The following SLF2 variants were observed in gnomAD, a reference collection of about 807,000 sequenced individuals.
SLF2 encodes SMC5/6 complex localization factor 2.
A neutral mutation model predicts 124.3 loss-of-function variants in SLF2; 68 were observed. That is an observed-to-expected ratio of 0.55 (90% CI 0.45 to 0.67). SLF2 has a LOEUF of 0.67. SLF2 is among the 30% of genes least tolerant of loss of function. SLF2 has a pLI of 0.00. For synonymous variants in SLF2, 480 were observed against 478.8 expected (o/e 1.00, Z -0.03); for missense variants, 1,246 against 1,373.7 (o/e 0.91, Z 1.47).
chr10:100,944,412 G>A (rs1051753467), intron 12 of SLF2, among the ~76,000 whole-genome samples: 2 of 148,182 alleles, frequency 1.3e-5, no homozygotes, highest in Non-Finnish European at 3.0e-5. Context: ...GGAGAATGGC[G>A]TGAACCCAGG....
At chr10:100,959,739 G>A (rs912493496) in intron 19 of SLF2, 27 of 600,052 alleles carry the variant, frequency 4.5e-5, no homozygotes, top group African/African-American at 4.2e-4. Context: ...TCAAATGGAG[G>A]TTATTCAATT....
intron 9 of SLF2, 72 bp from the exon 10 acceptor site, chr10:100,937,330 T>G: frequency 1.6e-6 from 2 of 1,227,890 alleles, no homozygotes; most frequent in Non-Finnish European, 2.4e-6. Flanking sequence ...CAACTTTATA[T>G]GTGCCTAGCA....
rs780442184 is a variant in SLF2, at chr10:100,916,636, C to A, written c.251C>A (p.Thr84Asn). 6.6e-7 allele frequency: 1 copy of A among 1,504,812 alleles called. No individual in the cohort carries two copies. Among genetic ancestry groups the A allele is most frequent in the Non-Finnish European group, 8.8e-7 (1 of 1,131,096 alleles). The allele number at this position is 1,504,812 out of a possible 1,614,324, so 93.2% of individuals were successfully genotyped here. Residue 84 changes from threonine (T) to asparagine (N), a missense_variant, in exon 3 of 20, where the codon ACT becomes AAT. Transcript: ENST00000238961. Reference sequence around the variant, plus strand: ...TATGGAGGAAGTAGATTGTCTATCACTGGGACAGAGCAGTTTGAAAGGAAA... The same window carrying A: ...TATGGAGGAAGTAGATTGTCTATCAATGGGACAGAGCAGTTTGAAAGGAAA... ...IKYGGSRLSITGTEQFERKLS... is the reference protein window; with the variant it reads ...IKYGGSRLSINGTEQFERKLS...
intron 18 of SLF2, among the ~76,000 whole-genome samples, chr10:100,957,419 C>T (rs1303022658): frequency 7.5e-6 from 1 of 133,846 alleles, no homozygotes; most frequent in African/African-American, 2.9e-5. Context: ...GGCACAAATT[C>T]GACTCACTGC....
At chr10:100,950,344 A>C in intron 16 of SLF2, 137 bp downstream of exon 16, 2 of 1,019,362 alleles carry the variant, frequency 2.0e-6, no homozygotes, top group South Asian at 4.2e-5. Flanking sequence ...AAAGCGAATA[A>C]TATTTTTAAT....
At chr10:100,955,820 C>T (rs1005867535) in intron 17 of SLF2, among the ~76,000 whole-genome samples, 25 of 151,518 alleles carry the variant, frequency 1.6e-4, no homozygotes, top group African/African-American at 5.8e-4. Context: ...GGCAGAGAAT[C>T]GCCTGAACCT....
At chr10:100,938,450 T>A (rs1285927135) in intron 10 of SLF2, 145 bp from the exon 11 acceptor site, 2 of 706,954 alleles carry the variant, frequency 2.8e-6, no homozygotes, top group Non-Finnish European at 4.5e-6. Flanking sequence ...GATCATCCTA[T>A]AACTGTATTG....
chr10:100,947,408 T>C (rs1036644994), intron 14 of SLF2, among the ~76,000 whole-genome samples: 1 of 152,120 alleles, frequency 6.6e-6, no homozygotes, highest in Non-Finnish European at 1.5e-5. Flanking sequence ...AGTTTATCTG[T>C]TACCTTAATA....
intron 17 of SLF2, among the ~76,000 whole-genome samples, chr10:100,951,769 TG>T (rs1346810695): frequency 3.3e-5 from 5 of 152,362 alleles, no homozygotes; most frequent in African/African-American, 9.6e-5. Context: ...ATTCCCCTTT[TG>T]TTCCTTTAGA....
intron 9 of SLF2, among the ~76,000 whole-genome samples, chr10:100,935,859 CTTTTTT>C (rs556164456): frequency 2.0e-5 from 2 of 99,340 alleles, no homozygotes; most frequent in African/African-American, 7.5e-5. Flanking sequence ...TTTTTTTTTT[CTTTTTT>C]TTTTTTTTTT....
At chr10:100,939,598 A>G (rs1047420415) in intron 11 of SLF2, among the ~76,000 whole-genome samples, 2 of 151,352 alleles carry the variant, frequency 1.3e-5, no homozygotes, top group Admixed American at 1.3e-4. Flanking sequence ...GAATCACTTG[A>G]ACCCGGGTGG....
intron 17 of SLF2, among the ~76,000 whole-genome samples, chr10:100,951,236 T>C (rs1030861435): frequency 6.6e-6 from 1 of 152,130 alleles, no homozygotes; most frequent in Non-Finnish European, 1.5e-5. Context: ...AGAGTGAAAC[T>C]CCATCTCAGA....
In SLF2 at chr10:100,945,313, G is replaced by A; in HGVS notation, c.2758-17G>A. ...TACCTCCTAAAATATTTTTGTCTGT[G>A]CATTTATGTTAAACAGTTTCTAGGC... On this transcript the variant is annotated splice_polypyrimidine_tract_variant and intron_variant, in intron 12 of 19. Transcript: ENST00000238961. The A allele has an allele frequency of 1.3e-6, 2 of 1,543,752 alleles. No homozygotes were observed. Among genetic ancestry groups the A allele is most frequent in the Non-Finnish European group, 1.7e-6 (2 of 1,157,924 alleles).
rs747528817 is a variant in SLF2 at position 100,950,238 on chromosome 10, C to CA, written c.3252+32dup. The CA allele has an allele frequency of 2.5e-6, 4 of 1,590,650 alleles. No homozygotes were observed. In the African/African-American group the frequency reaches 5.4e-5, roughly 21 times the overall value. ...CAGTGCTAGAAGGTCTCAAAGAGTA[C>CA]ATAGAAGCATAACTGTTATCAGCTT... On this transcript the variant is annotated intron_variant, in intron 16 of 19. Coordinates refer to ENST00000238961, the MANE Select transcript of SLF2 (RefSeq NM_018121.4).
rs1347456948 is a variant in SLF2 at position 100,925,968 on chromosome 10, C to T, written c.1991C>T (p.Thr664Ile). The change falls in exon 6 of 20, where the codon ACT (threonine) becomes ATT (isoleucine). Residue 664 changes from threonine to isoleucine, a missense_variant. By Grantham distance (89) the Thr-to-Ile change is moderately conservative. Transcript: ENST00000238961. ...TTTTAGGGACATGTTCATCCTGGAA[C>T]TTACACAAATACCTTAGAACGTCTA... ...SDYTGHVHPG[T>I]YTNTLERLVK... 1 of 1,603,458 alleles carries T rather than the reference C, an allele frequency of 6.2e-7. No individual in the cohort carries two copies. The highest frequency in any genetic ancestry group is 2.2e-5 in the East Asian group (1 of 44,774).
chr10:100,962,103 G>C lies in SLF2; in HGVS notation c.*191G>C, dbSNP rs1376681319. The C allele has an allele frequency of 2.0e-6, 1 of 491,880 alleles. No homozygotes were observed. Among genetic ancestry groups the C allele is most frequent in the Non-Finnish European group, 3.5e-6 (1 of 282,692 alleles). The allele number at this position is 491,880 out of a possible 1,614,324, so 30.5% of individuals were successfully genotyped here. On this transcript the variant is annotated 3_prime_UTR_variant, in exon 20 of 20. Transcript: ENST00000238961. ...CTGAAGCAGATATGAAATATGATCT[G>C]CTTAATTGTTAAGGCAACTGACCTT...
intron 17 of SLF2, among the ~76,000 whole-genome samples, chr10:100,951,688 C>T (rs1439339024): frequency 6.6e-6 from 1 of 152,204 alleles, no homozygotes; most frequent in Non-Finnish European, 1.5e-5. Context: ...TCAGAGTATG[C>T]TTTAGTTATT....
Position 100,916,726 on chromosome 10 carries a change from C to G in SLF2, c.341C>G (p.Ala114Gly), listed in dbSNP as rs1413278474. The G allele has an allele frequency of 2.2e-5, 34 of 1,571,424 alleles. No individual in the cohort carries two copies. The highest frequency in any genetic ancestry group is 2.9e-5 in the Non-Finnish European group (34 of 1,164,692). Residue 114 changes from alanine (A) to glycine (G), a missense_variant, in exon 3 of 20, where the codon GCT (alanine) becomes GGT (glycine). Around this residue, in one of 3 missense-constraint regions of SLF2, gnomAD observed 698 missense variants for 708.9 expected, o/e 0.98. Transcript: ENST00000238961. ...VPPEKSPIIE[A>G]FMKGVKEHHE... Reference sequence around the variant, plus strand: ...CCAGAAAAGAGCCCTATTATAGAAGCTTTCATGAAAGGTGTTAAAGAGCAC... The same window carrying G: ...CCAGAAAAGAGCCCTATTATAGAAGGTTTCATGAAAGGTGTTAAAGAGCAC...
intron 10 of SLF2, among the ~76,000 whole-genome samples, chr10:100,937,970 A>G (rs1849898536): frequency 6.6e-6 from 1 of 152,208 alleles, no homozygotes; most frequent in Admixed American, 6.5e-5. Context: ...GAATTTTCTT[A>G]CTTGCATTGA....
Sources: allele counts gnomAD v4.1 joint callset (sites outside exome capture counted in the v4.1 genomes callset), GRCh38; gene constraint gnomAD v4.1.1; regional missense constraint gnomAD v4.1.1; transcripts MANE v1.5; gene names NCBI Gene and HGNC (gene_info 2026-07-23, HGNC 2026-07-21).